The following COL25A1 variants were observed in gnomAD, a reference collection of about 807,000 sequenced individuals.
COL25A1 encodes collagen type XXV alpha 1 chain.
Under a neutral mutation model 128.4 loss-of-function variants are expected in COL25A1, and 103 were observed. That is an observed-to-expected ratio of 0.80 (90% CI 0.68 to 0.94). COL25A1 has a LOEUF of 0.94. COL25A1 is among the 40% of genes least tolerant of loss of function. COL25A1 has a pLI of 0.00. For missense variants in COL25A1, 745 were observed against 840.0 expected (o/e 0.89, Z 1.40); for synonymous variants, 279 against 277.2 (o/e 1.01, Z -0.06).
rs186517171 is a variant in COL25A1 at position 109,108,137 on chromosome 4, G to C, written c.368-57958C>G. Among the ~76,000 whole-genome samples the C allele has an allele frequency of 5.0e-3, 762 of 152,192 alleles. 6 individuals are homozygous for C. The Middle Eastern group carries it at 0.088, about 18-fold the overall frequency. ...GTTGGTGTGCTGCACCCACTAACTC[G>C]TCATTTAACATTAGGTATATCTCCT... is the stretch of plus-strand genomic sequence containing the variant. On this transcript the variant is annotated intron_variant, in intron 3 of 37. Coordinates refer to ENST00000399132, the MANE Select transcript of COL25A1 (RefSeq NM_198721.4).
intron 3 of COL25A1, among the ~76,000 whole-genome samples, chr4:109,111,874 A>G (rs1485257516): frequency 1.3e-5 from 2 of 152,198 alleles, no homozygotes; most frequent in Non-Finnish European, 2.9e-5. Flanking sequence ...TGCTTAATAC[A>G]TAACGATTGA....
rs1383703429 is a variant in COL25A1, at chr4:109,254,505, A to ATATATATATATATG, written c.367+46077_367+46078insCATATATATATATA. Among the ~76,000 whole-genome samples, 807 of 104,836 alleles carry ATATATATATATATG rather than the reference A, an allele frequency of 7.7e-3. 36 individuals are homozygous for ATATATATATATATG. The highest frequency in any genetic ancestry group is 0.019 in the Middle Eastern group (3 of 158). 68.8% of individuals were successfully genotyped at this position (104,836 alleles called of 152,430 possible). On this transcript the variant is annotated intron_variant, in intron 3 of 37. Transcript: ENST00000399132. Reference sequence around the variant, plus strand: ...TATATATATATATATATATATATATATGTATGTGTGTATATACATATACAT... The same window carrying ATATATATATATATG: ...TATATATATATATATATATATATATATATATATATATATGTGTATGTGTGTATATACATATACAT...
intron 6 of COL25A1, among the ~76,000 whole-genome samples, chr4:108,993,774 T>G (rs1443422387): frequency 6.6e-6 from 1 of 151,288 alleles, no homozygotes; most frequent in African/African-American, 2.4e-5. Context: ...GCAGGAGAAC[T>G]GCTTGAACCC....
chr4:108,856,954 G>A (rs895110926), intron 24 of COL25A1, among the ~76,000 whole-genome samples: 5 of 152,080 alleles, frequency 3.3e-5, no homozygotes, highest in South Asian at 2.1e-4. Flanking sequence ...GATCAATGAA[G>A]TATAGATACA....
At chr4:109,114,090 C>T (rs897556131) in intron 3 of COL25A1, among the ~76,000 whole-genome samples, 2 of 151,952 alleles carry the variant, frequency 1.3e-5, no homozygotes, top group African/African-American at 2.4e-5. Flanking sequence ...GAACAAGATA[C>T]AAAGATATTA....
chr4:109,013,253 A>C (rs1756839113), intron 5 of COL25A1, among the ~76,000 whole-genome samples: 1 of 148,838 alleles, frequency 6.7e-6, no homozygotes, highest in Non-Finnish European at 1.5e-5. Flanking sequence ...GTGTCTAGCT[A>C]ATCTAGTGGG....
intron 26 of COL25A1, among the ~76,000 whole-genome samples, chr4:108,850,778 A>G (rs1735675948): frequency 6.6e-6 from 1 of 152,124 alleles, no homozygotes; most frequent in South Asian, 2.1e-4. Flanking sequence ...CTCAAAAATT[A>G]CTTACTGAAT....
intron 3 of COL25A1, among the ~76,000 whole-genome samples, chr4:109,173,267 T>C (rs77480608): frequency 2.6e-5 from 4 of 151,378 alleles, no homozygotes; most frequent in African/African-American, 7.3e-5. Flanking sequence ...AAAAAAAAAA[T>C]AGTAGAGATG....
intron 8 of COL25A1, among the ~76,000 whole-genome samples, chr4:108,962,190 T>C (rs940608701): frequency 3.0e-5 from 4 of 134,834 alleles, no homozygotes; most frequent in Non-Finnish European, 6.7e-5. Flanking sequence ...CGATTCTTTT[T>C]TTTTCTTTTT....
At chr4:109,017,213 C>T (rs926700341) in intron 5 of COL25A1, among the ~76,000 whole-genome samples, 5 of 152,354 alleles carry the variant, frequency 3.3e-5, no homozygotes, top group East Asian at 3.9e-4. Context: ...CCTGGAGCTG[C>T]CTGCCCCACT....
intron 24 of COL25A1, among the ~76,000 whole-genome samples, chr4:108,855,010 T>C (rs1736308244): frequency 6.6e-6 from 1 of 152,156 alleles, no homozygotes; most frequent in Non-Finnish European, 1.5e-5. Flanking sequence ...GGTTCTGTGC[T>C]GAAAGTTCTA....
chr4:108,822,880 C>T (rs1731944352), intron 35 of COL25A1, among the ~76,000 whole-genome samples: 1 of 152,058 alleles, frequency 6.6e-6, no homozygotes, highest in African/African-American at 2.4e-5. Flanking sequence ...GAAAATAATG[C>T]CAACTTCGGG....
intron 3 of COL25A1, among the ~76,000 whole-genome samples, chr4:109,298,002 T>C (rs969179786): frequency 6.6e-6 from 1 of 150,536 alleles, no homozygotes; most frequent in Non-Finnish European, 1.5e-5. Context: ...CCAAAACCTA[T>C]ACTTATTCTC....
chr4:109,217,995 A>C (rs1259369156), intron 3 of COL25A1, among the ~76,000 whole-genome samples: 1 of 152,184 alleles, frequency 6.6e-6, no homozygotes, highest in African/African-American at 2.4e-5. Context: ...ATAGCTAGTA[A>C]GTAGTGGAGC....
chr4:109,272,930 A>T (rs1782297028), intron 3 of COL25A1, among the ~76,000 whole-genome samples: 3 of 152,176 alleles, frequency 2.0e-5, no homozygotes, highest in African/African-American at 4.8e-5. Context: ...GTCAAGTGAG[A>T]CAGAAAAGGA....
At chr4:109,015,578 C>T (rs1176218511) in intron 5 of COL25A1, among the ~76,000 whole-genome samples, 1 of 152,142 alleles carries the variant, frequency 6.6e-6, no homozygotes, top group Non-Finnish European at 1.5e-5. Context: ...ATACTGAGTG[C>T]TCTGGGTCAC....
intron 6 of COL25A1, among the ~76,000 whole-genome samples, chr4:108,998,190 T>G (rs1321733357): frequency 6.6e-6 from 1 of 152,170 alleles, no homozygotes; most frequent in Non-Finnish European, 1.5e-5. Flanking sequence ...AAATTGTCTC[T>G]GCAGATGTTT....
At chr4:109,183,948 G>C (rs2126149546) in intron 3 of COL25A1, among the ~76,000 whole-genome samples, 1 of 151,378 alleles carries the variant, frequency 6.6e-6, no homozygotes, top group Non-Finnish European at 1.5e-5. Context: ...AAAAGATTGG[G>C]CTCCAGAAAC....
intron 3 of COL25A1, among the ~76,000 whole-genome samples, chr4:109,115,011 G>A (rs1288885590): frequency 1.3e-5 from 2 of 152,032 alleles, no homozygotes; most frequent in African/African-American, 2.4e-5. Flanking sequence ...GAAGCAGGAT[G>A]TTATTAAAAA....
Sources: allele counts gnomAD v4.1 joint callset (sites outside exome capture counted in the v4.1 genomes callset), GRCh38; gene constraint gnomAD v4.1.1; transcripts MANE v1.5; gene names NCBI Gene and HGNC (gene_info 2026-07-23, HGNC 2026-07-21).